Variants in PTPN2 observed in about 807,000 individuals in gnomAD.
PTPN2 encodes the protein tyrosine-protein phosphatase non-receptor type 2.
PTPN2 carries 19 observed loss-of-function variants against 57.3 expected under a neutral mutation model. The observed-to-expected ratio is 0.33, with a 90% CI of 0.23 to 0.49. The LOEUF (loss-of-function observed/expected upper bound fraction) is 0.49, where lower values mean the gene tolerates loss of function less well. Among genes scored for constraint, PTPN2 ranks in the 20% least tolerant of loss-of-function variants. The probability of loss-of-function intolerance (pLI) is 0.99; values close to 1 mark genes in which losing one functional copy is unlikely to be tolerated. For missense variants in PTPN2, 358 were observed against 501.1 expected, an observed-to-expected ratio of 0.71 and a Z score of 2.73; for synonymous variants, 153 against 164.9, an observed-to-expected ratio of 0.93 and a Z score of 0.55.
Position 12,785,775 on chromosome 18 carries a change from T to A in PTPN2, c.*48A>T, listed in dbSNP as rs1401383667. 4 of 1,581,714 alleles carry A rather than the reference T, an allele frequency of 2.5e-6. No homozygotes were observed. In the Admixed American group the frequency reaches 6.7e-5, roughly 26 times the overall value. On this transcript the variant is annotated 3_prime_UTR_variant, in exon 10 of 10. Coordinates refer to the PTPN2 transcript ENST00000327283. ...TGGGCTTCAGGTCTTGCTTTGCACA[T>A]CAATGGTTCAAAATTTATAGCTGCA...
At chr18:12,811,496 A>C (rs2041888191) in intron 7 of PTPN2, among the ~76,000 whole-genome samples, 1 of 152,168 alleles carries the variant, frequency 6.6e-6, no homozygotes, top group African/African-American at 2.4e-5. Context: ...GAAATAAAAG[A>C]GATATTTAAT....
chr18:12,837,579 A>G (rs2042910596), intron 2 of PTPN2, among the ~76,000 whole-genome samples: 1 of 152,218 alleles, frequency 6.6e-6, no homozygotes, highest in Non-Finnish European at 1.5e-5. Flanking sequence ...TTTAGATGGG[A>G]AAGCAAGAGA....
intron 1 of PTPN2, among the ~76,000 whole-genome samples, chr18:12,878,593 C>G (rs2044570407): frequency 6.6e-6 from 1 of 151,776 alleles, no homozygotes; most frequent in Admixed American, 6.6e-5. Context: ...CTGCTTGAAC[C>G]TGGGGGGAGC....
intron 2 of PTPN2, among the ~76,000 whole-genome samples, chr18:12,847,273 G>C (rs890228143): frequency 1.3e-5 from 2 of 152,182 alleles, no homozygotes; most frequent in Non-Finnish European, 2.9e-5. Context: ...CCAATAACAA[G>C]TGTACTAGTT....
chr18:12,881,789 C>T (rs1333965246), intron 1 of PTPN2, among the ~76,000 whole-genome samples: 2 of 152,184 alleles, frequency 1.3e-5, no homozygotes, highest in African/African-American at 4.8e-5. Context: ...AACTCAACTC[C>T]ACAAGACCCT....
intron 1 of PTPN2, among the ~76,000 whole-genome samples, chr18:12,867,628 T>TCG (rs146731662): frequency 0.21 from 31,777 of 152,084 alleles, 4,000 homozygotes; most frequent in South Asian, 0.52. Flanking sequence ...TAATAGAGTT[T>TCG]CGCTTCAGTC....
chr18:12,802,166 GA>G lies in PTPN2; in HGVS notation c.859-16del, dbSNP rs746482820. 6.4e-7 allele frequency: 1 copy of G among 1,550,958 alleles called. No homozygotes were observed. Among genetic ancestry groups the G allele is most frequent in the African/African-American group, 1.4e-5 (1 of 71,736 alleles). On this transcript the variant is annotated splice_polypyrimidine_tract_variant and intron_variant, in intron 7 of 8. Coordinates refer to ENST00000309660, the MANE Select transcript of PTPN2 (RefSeq NM_002828.4). ...TTCCATCGTTTCTAGGTAGGGAAGA[GA>G]AATGAAAAACAAATGCAAACATTAA...
At chr18:12,870,448 T>C (rs1157342292) in intron 1 of PTPN2, among the ~76,000 whole-genome samples, 9 of 24,530 alleles carry the variant, frequency 3.7e-4, no homozygotes, top group South Asian at 2.1e-3. Flanking sequence ...TGTGTATATA[T>C]ATATATATAT....
intron 2 of PTPN2, among the ~76,000 whole-genome samples, chr18:12,846,373 A>G (rs1328518090): frequency 6.6e-6 from 1 of 152,238 alleles, no homozygotes; most frequent in Non-Finnish European, 1.5e-5. Flanking sequence ...TTGGCAACCT[A>G]TACAAAGGTA....
chr18:12,871,212 CAT>C (rs1049890293), intron 1 of PTPN2, among the ~76,000 whole-genome samples: 2 of 152,190 alleles, frequency 1.3e-5, no homozygotes, highest in Admixed American at 6.5e-5. Flanking sequence ...TAATGGGACA[CAT>C]AGGTTATTTC....
intron 3 of PTPN2, among the ~76,000 whole-genome samples, chr18:12,831,497 C>T (rs564808266): frequency 2.0e-5 from 3 of 152,242 alleles, no homozygotes; most frequent in South Asian, 2.1e-4. Flanking sequence ...GACAAAATCA[C>T]GAGTAGGAGT....
chr18:12,849,774 TTTTG>T lies in PTPN2; in HGVS notation c.160+9386_160+9389del, dbSNP rs2043332417. Among the ~76,000 whole-genome samples, 4 of 152,204 alleles carry T rather than the reference TTTTG, an allele frequency of 2.6e-5. No homozygotes were observed. In the South Asian group the frequency reaches 6.2e-4, roughly 24 times the overall value. On this transcript the variant is annotated intron_variant, in intron 2 of 8. Transcript: ENST00000309660. ...GCTGGCCCAGTGTTTTCTTTGTGGA[TTTTG>T]TTTATTAATGTCTTTAAGTGGACTC... is the stretch of plus-strand genomic sequence containing the variant.
intron 1 of PTPN2, chr18:12,883,870 C>CT (rs397959555): frequency 0.19 from 73,660 of 387,342 alleles, 4,825 homozygotes; most frequent in South Asian, 0.24. Context: ...CTCAAGTATG[C>CT]TTTTTTTTTT....
At chr18:12,854,185 C>T (rs1314797546) in intron 2 of PTPN2, among the ~76,000 whole-genome samples, 2 of 151,204 alleles carry the variant, frequency 1.3e-5, no homozygotes, top group African/African-American at 4.9e-5. Context: ...ATGACGAAAC[C>T]CCATCTCTAC....
At chr18:12,868,067 A>G (rs1157325945) in intron 1 of PTPN2, among the ~76,000 whole-genome samples, 1 of 152,140 alleles carries the variant, frequency 6.6e-6, no homozygotes, top group African/African-American at 2.4e-5. Context: ...TAAGTCTCAA[A>G]TATGTGGGAA....
chr18:12,873,009 T>C lies in PTPN2; in HGVS notation c.69+11064A>G, dbSNP rs550990733. Among the ~76,000 whole-genome samples, 4 of 152,158 alleles carry C rather than the reference T, an allele frequency of 2.6e-5. No individual in the cohort carries two copies. The East Asian group carries it at 7.7e-4, about 29-fold the overall frequency. On this transcript the variant is annotated intron_variant, in intron 1 of 8. Transcript: ENST00000309660. ...GCCAAGGTGGGTGGATCACCTGAGG[T>C]CAGGAGTTCAAGACTGGCCCAGCCA... is the stretch of plus-strand genomic sequence containing the variant.
intron 8 of PTPN2, among the ~76,000 whole-genome samples, chr18:12,797,506 C>CAGAG (rs1252293518): frequency 1.3e-5 from 2 of 152,090 alleles, no homozygotes; most frequent in African/African-American, 4.8e-5. Context: ...AAGAATGGAA[C>CAGAG]AGAGGTTTTT....
chr18:12,865,226 C>T (rs927271140), intron 1 of PTPN2, among the ~76,000 whole-genome samples: 4 of 151,948 alleles, frequency 2.6e-5, no homozygotes, highest in African/African-American at 9.7e-5. Context: ...GTGGGAGAAT[C>T]ACTTGAGACC....
intron 8 of PTPN2, among the ~76,000 whole-genome samples, chr18:12,801,104 A>G (rs1390723817): frequency 6.6e-6 from 1 of 152,202 alleles, no homozygotes; most frequent in African/African-American, 2.4e-5. Context: ...TAACTTTTAC[A>G]CTCAATCATT....
Sources: gnomAD v4.1 joint callset for allele counts (sites outside exome capture counted in the v4.1 genomes callset) on GRCh38, gnomAD v4.1.1 for gene constraint, MANE v1.5 for transcripts, NCBI Gene and HGNC (gene_info 2026-07-23, HGNC 2026-07-21) for gene names.